NR2C2: variants seen among roughly 807,000 people sequenced by gnomAD.
The protein encoded by NR2C2 is nuclear receptor subfamily 2 group C member 2.
A neutral mutation model predicts 62.9 loss-of-function variants in NR2C2; 6 were observed. The observed-to-expected ratio is 0.10, with a 90% CI of 0.05 to 0.19. NR2C2 has a LOEUF of 0.19. Among genes scored for constraint, NR2C2 ranks in the 10% least tolerant of loss-of-function variants. The pLI is 1.00. For missense variants in NR2C2, 479 were observed against 762.7 expected (o/e 0.63, Z 4.38); for synonymous variants, 272 against 273.8 (o/e 0.99, Z 0.07).
At chr3:15,001,318 G>GTTTTTTTTTTTTTTTTTTTTTTTGTT (rs61017075) in intron 1 of NR2C2, among the ~76,000 whole-genome samples, 4 of 97,508 alleles carry the variant, frequency 4.1e-5, no homozygotes, top group Non-Finnish European at 8.3e-5. Flanking sequence ...TTTGTTTTGG[G>GTTTTTTTTTTTTTTTTTTTTTTTGTT]TTTTTTTTTT....
At chr3:14,951,649 T>A (rs1014261678) in intron 1 of NR2C2, among the ~76,000 whole-genome samples, 1 of 152,218 alleles carries the variant, frequency 6.6e-6, no homozygotes, top group Non-Finnish European at 1.5e-5. Flanking sequence ...GTAGTTGTAT[T>A]CACAGTGACT....
chr3:15,040,571 T>C (rs1344651866), intron 13 of NR2C2, among the ~76,000 whole-genome samples: 1 of 152,200 alleles, frequency 6.6e-6, no homozygotes, highest in African/African-American at 2.4e-5. Flanking sequence ...CAGCTCTTAG[T>C]CTTTCAGCAC....
chr3:15,040,773 C>G (rs1170141820), intron 13 of NR2C2, among the ~76,000 whole-genome samples: 1 of 152,234 alleles, frequency 6.6e-6, no homozygotes, highest in Admixed American at 6.5e-5. Context: ...AGAATAACTT[C>G]AGCCTCAATA....
rs1221023470 is a variant in NR2C2, at chr3:15,042,815, A to T, written c.1617-19A>T. On this transcript the variant is annotated intron_variant, in intron 13 of 13. Transcript: ENST00000425241. ...GGGCATCAAACAGTCTCCTTTTCTA[A>T]TGACACTCCCTTTTATAGATTGGCC... 1 of 1,609,702 alleles carries T rather than the reference A, an allele frequency of 6.2e-7. No individual in the cohort carries two copies. Among genetic ancestry groups the T allele is most frequent in the African/African-American group, 1.3e-5 (1 of 74,802 alleles).
Position 15,034,815 on chromosome 3 carries a change from G to A in NR2C2, c.1372+6G>A, listed in dbSNP as rs377008370. ...GCAGAACAGCATCCAGGAAGGTAGG[G>A]CACAGGGACTTGGGGCTGGGGTGTG... On this transcript the variant is annotated splice_donor_region_variant and intron_variant, in intron 11 of 13. Transcript: ENST00000425241. The A allele has an allele frequency of 2.5e-6, 4 of 1,608,984 alleles. No homozygotes were observed. The highest frequency in any genetic ancestry group is 2.7e-5 in the African/African-American group (2 of 74,836).
intron 1 of NR2C2, among the ~76,000 whole-genome samples, chr3:14,968,133 G>C (rs1432988224): frequency 6.6e-6 from 1 of 152,164 alleles, no homozygotes; most frequent in Non-Finnish European, 1.5e-5. Flanking sequence ...CCAAAATTGA[G>C]AAATGGGATC....
intron 2 of NR2C2, among the ~76,000 whole-genome samples, chr3:15,010,111 A>G (rs2041307178): frequency 1.3e-5 from 2 of 152,190 alleles, no homozygotes; most frequent in South Asian, 4.1e-4. Flanking sequence ...TTCTATGCAC[A>G]ATACCTCTCC....
intron 1 of NR2C2, among the ~76,000 whole-genome samples, chr3:14,963,974 G>T (rs2039764141): frequency 6.6e-6 from 1 of 152,052 alleles, no homozygotes; most frequent in Non-Finnish European, 1.5e-5. Context: ...AAAGAAGATA[G>T]ATTTGACAAA....
At chr3:15,000,384 G>T (rs527472323) in intron 1 of NR2C2, among the ~76,000 whole-genome samples, 1 of 152,276 alleles carries the variant, frequency 6.6e-6, no homozygotes, top group Non-Finnish European at 1.5e-5. Context: ...TCCATTGTGT[G>T]TATATACCAC....
chr3:15,032,918 A>G (rs566463041), intron 10 of NR2C2, among the ~76,000 whole-genome samples: 95 of 152,236 alleles, frequency 6.2e-4, no homozygotes, highest in Non-Finnish European at 1.1e-3. Flanking sequence ...CACAGTGCCA[A>G]TTGGCACATT....
chr3:15,014,814 A>AGT (rs750558496), intron 3 of NR2C2, among the ~76,000 whole-genome samples: 1 of 152,194 alleles, frequency 6.6e-6, no homozygotes, highest in Non-Finnish European at 1.5e-5. Context: ...TTAAAGGCTG[A>AGT]GTAGTATTCC....
chr3:15,009,903 C>T (rs959507954), intron 2 of NR2C2, among the ~76,000 whole-genome samples: 1 of 152,210 alleles, frequency 6.6e-6, no homozygotes, highest in East Asian at 1.9e-4. Flanking sequence ...CGCTTGCTTG[C>T]AGCTGCATCA....
intron 1 of NR2C2, among the ~76,000 whole-genome samples, chr3:14,992,718 G>T (rs2040706071): frequency 6.6e-6 from 1 of 152,152 alleles, no homozygotes; most frequent in Non-Finnish European, 1.5e-5. Flanking sequence ...TGTGTGTTCT[G>T]CAAGCGTGGT....
chr3:14,999,062 A>G (rs1329046888), intron 1 of NR2C2, among the ~76,000 whole-genome samples: 2 of 152,210 alleles, frequency 1.3e-5, no homozygotes, highest in African/African-American at 4.8e-5. Context: ...CACGCCTGTA[A>G]TCCCAGCACT....
chr3:15,024,291 C>G (rs1251961810), intron 7 of NR2C2, 83 bp downstream of exon 7: 11 of 913,194 alleles, frequency 1.2e-5, no homozygotes, highest in Non-Finnish European at 1.5e-5. Context: ...CCACTTTCTT[C>G]CTGGCCTTCA....
In NR2C2 at chr3:14,976,705, T is replaced by C. The variant is rs138856398; in HGVS notation, c.-39-27171T>C. Among the ~76,000 whole-genome samples the C allele has an allele frequency of 6.9e-3, 1,032 of 149,772 alleles. 45 individuals carry two copies. Among genetic ancestry groups the C allele is most frequent in the Admixed American group, 0.061 (899 of 14,808 alleles). ...CAAAAATCTTATATGTCTGAACATA[T>C]TTTCATTTACATTACATGGCTAATT... On this transcript the variant is annotated intron_variant, in intron 1 of 13. Transcript: ENST00000425241.
chr3:14,994,977 C>CTT (rs71038447), intron 1 of NR2C2, among the ~76,000 whole-genome samples: 3,720 of 104,106 alleles, frequency 0.036, 395 homozygotes, highest in African/African-American at 0.14. Context: ...ATACAATTCA[C>CTT]TTTTTTTTTT....
At chr3:15,036,983 ATGG>A (rs1373276618) in intron 11 of NR2C2, among the ~76,000 whole-genome samples, 1 of 130,956 alleles carries the variant, frequency 7.6e-6, no homozygotes, top group Non-Finnish European at 1.8e-5. Context: ...TTAGCCTGAC[ATGG>A]TGGTGAGTGC....
chr3:14,961,628 TG>T (rs1209890167), intron 1 of NR2C2, among the ~76,000 whole-genome samples: 3 of 152,212 alleles, frequency 2.0e-5, no homozygotes, highest in Non-Finnish European at 4.4e-5. Context: ...CAGAAGAGAC[TG>T]GAAGTCTGCT....
Sources: gnomAD v4.1 joint callset for allele counts (sites outside exome capture counted in the v4.1 genomes callset) on GRCh38, gnomAD v4.1.1 for gene constraint, MANE v1.5 for transcripts, NCBI Gene and HGNC (gene_info 2026-07-23, HGNC 2026-07-21) for gene names.